Variants in RPTOR observed in about 807,000 individuals in gnomAD.
RPTOR encodes regulatory-associated protein of mTOR.
RPTOR carries 21 observed loss-of-function variants against 169.9 expected under a neutral mutation model. The observed-to-expected ratio is 0.12, with a 90% CI of 0.09 to 0.18. RPTOR has a LOEUF of 0.18. Among genes scored for constraint, RPTOR ranks in the 10% least tolerant of loss-of-function variants. The pLI, the probability that RPTOR is intolerant of heterozygous loss-of-function variation, is 1.00. For synonymous variants in RPTOR, 732 were observed against 753.2 expected (o/e 0.97, Z 0.46); for missense variants, 1,133 against 1,855.9 (o/e 0.61, Z 7.16).
chr17:80,672,147 C>T (rs2065826568), intron 3 of RPTOR, among the ~76,000 whole-genome samples: 1 of 152,136 alleles, frequency 6.6e-6, no homozygotes, highest in South Asian at 2.1e-4. Context: ...CTGGATACCT[C>T]CTCTGTGAAG....
At chr17:80,932,523 A>G (rs2068910334) in intron 24 of RPTOR, among the ~76,000 whole-genome samples, 2 of 152,224 alleles carry the variant, frequency 1.3e-5, no homozygotes, top group South Asian at 2.1e-4. Flanking sequence ...GTAGACAACA[A>G]ACATGAACAG....
chr17:80,586,073 C>G lies in RPTOR; in HGVS notation c.163-39618C>G, dbSNP rs115720085. On this transcript the variant is annotated intron_variant, in intron 1 of 33. Transcript: ENST00000306801. ...AGTTTGTCGGGAGGCGCTCTGCAGC[C>G]AGGCAGATGGAGGGGCCGCTAGGCA... Among the ~76,000 whole-genome samples the G allele has an allele frequency of 8.3e-3, 1,257 of 152,202 alleles. 23 individuals carry two copies. Among genetic ancestry groups the G allele is most frequent in the African/African-American group, 0.028 (1,160 of 41,532 alleles).
At chr17:80,918,548 A>G (rs75869656) in intron 21 of RPTOR, among the ~76,000 whole-genome samples, 8,145 of 43,086 alleles carry the variant, frequency 0.19, 771 homozygotes, top group African/African-American at 0.38. Context: ...GAGCACCCTC[A>G]CGGGGGTCAT....
chr17:80,607,965 G>A (rs4477776), intron 1 of RPTOR, among the ~76,000 whole-genome samples: 109,155 of 152,154 alleles, frequency 0.72, 39,675 homozygotes, highest in African/African-American at 0.78. Flanking sequence ...TACAAATTCA[G>A]TCCAACTACA....
intron 7 of RPTOR, among the ~76,000 whole-genome samples, chr17:80,813,905 A>T (rs1489198856): frequency 6.6e-6 from 1 of 152,216 alleles, no homozygotes; most frequent in Admixed American, 6.5e-5. Flanking sequence ...AGGCCGAGGC[A>T]GGTGGATCAC....
chr17:80,907,368 G>A (rs1278957649), intron 20 of RPTOR, among the ~76,000 whole-genome samples: 1 of 152,248 alleles, frequency 6.6e-6, no homozygotes, highest in Non-Finnish European at 1.5e-5. Context: ...TCCGCCTCTG[G>A]GTTGAAGCCT....
At chr17:80,867,281 TA>T (rs1056547274) in intron 13 of RPTOR, among the ~76,000 whole-genome samples, 1 of 151,702 alleles carries the variant, frequency 6.6e-6, no homozygotes, top group Non-Finnish European at 1.5e-5. Context: ...TTTACCATAT[TA>T]AAAAAAGATG....
chr17:80,877,428 A>G (rs1014942590), intron 13 of RPTOR, among the ~76,000 whole-genome samples: 15 of 152,222 alleles, frequency 9.9e-5, no homozygotes, highest in Non-Finnish European at 1.3e-4. Flanking sequence ...CAGAACAGAC[A>G]TCTGGTAGTA....
intron 5 of RPTOR, among the ~76,000 whole-genome samples, chr17:80,735,909 C>T (rs574982561): frequency 2.6e-5 from 4 of 152,198 alleles, no homozygotes; most frequent in African/African-American, 4.8e-5. Context: ...CGGTGGCTCA[C>T]GCCTGTAATC....
At chr17:80,887,093 G>T (rs1456020959) in intron 17 of RPTOR, among the ~76,000 whole-genome samples, 2 of 152,068 alleles carry the variant, frequency 1.3e-5, no homozygotes, top group Non-Finnish European at 2.9e-5. Flanking sequence ...AACGCCAGCT[G>T]GCAGGGTGAT....
In RPTOR at chr17:80,947,203, T is replaced by C. The variant is rs750604679; in HGVS notation, c.3141-24T>C. ...GGTTTGCAGTTTCCTAATGACTTTT[T>C]TATTCCTCTCTTCTTCCCTTAAGCT... On this transcript the variant is annotated intron_variant, in intron 26 of 33. Transcript: ENST00000306801. This position sits in a 1 kb window ranked among gnomAD's most constrained non-coding sequence, Gnocchi z 4.4. 1 of 1,552,876 alleles carries C rather than the reference T, an allele frequency of 6.4e-7. No homozygotes were observed. Among genetic ancestry groups the C allele is most frequent in the Non-Finnish European group, 8.7e-7 (1 of 1,155,064 alleles).
At chr17:80,899,250 C>T (rs2068445548) in intron 20 of RPTOR, among the ~76,000 whole-genome samples, 1 of 152,174 alleles carries the variant, frequency 6.6e-6, no homozygotes, top group South Asian at 2.1e-4. Flanking sequence ...TATATTCTAA[C>T]GTCACTTGTA....
intron 2 of RPTOR, among the ~76,000 whole-genome samples, chr17:80,640,539 G>A (rs1261947659): frequency 6.6e-6 from 1 of 152,212 alleles, no homozygotes; most frequent in Non-Finnish European, 1.5e-5. Context: ...CATGTAGCTG[G>A]TCACGGCCTG....
At chr17:80,764,849 C>T (rs1363648790) in intron 6 of RPTOR, among the ~76,000 whole-genome samples, 1 of 152,130 alleles carries the variant, frequency 6.6e-6, no homozygotes, top group Admixed American at 6.5e-5. Context: ...TTAACGATTG[C>T]CATTCTAACT....
intron 20 of RPTOR, among the ~76,000 whole-genome samples, chr17:80,899,942 G>A (rs1388277405): frequency 6.6e-6 from 1 of 152,196 alleles, no homozygotes; most frequent in African/African-American, 2.4e-5. Context: ...CAGAGGGCTT[G>A]GGATTCTCCC....
At chr17:80,595,430 A>G (rs2065137705) in intron 1 of RPTOR, among the ~76,000 whole-genome samples, 1 of 152,028 alleles carries the variant, frequency 6.6e-6, no homozygotes, top group Admixed American at 6.5e-5. Flanking sequence ...TGATCTGCTG[A>G]GTTGGGCAGT....
intron 6 of RPTOR, among the ~76,000 whole-genome samples, chr17:80,789,983 A>T (rs530564379): frequency 6.6e-6 from 1 of 152,202 alleles, no homozygotes; most frequent in African/African-American, 2.4e-5. Context: ...TTCGCATAGG[A>T]CTCAGATTTG....
intron 2 of RPTOR, among the ~76,000 whole-genome samples, chr17:80,626,273 G>A (rs1042971055): frequency 2.6e-5 from 4 of 151,994 alleles, no homozygotes; most frequent in Non-Finnish European, 4.4e-5. Context: ...GGATGGTCTC[G>A]ATCTCCTGAC....
rs557467006 is a variant in RPTOR, at chr17:80,583,160, C to T, written c.162+37369C>T. ...TTTGTTAGAAAATGCTAACTGTGGT[C>T]CCTGTCCACTGCCTCTTTCCTGTTT... On this transcript the variant is annotated intron_variant, in intron 1 of 33. Transcript: ENST00000306801. Among the ~76,000 whole-genome samples, 7 of 148,920 alleles carry T rather than the reference C, an allele frequency of 4.7e-5. No individual in the cohort carries two copies. The South Asian group carries it at 1.5e-3, about 32-fold the overall frequency.
Sources: allele counts gnomAD v4.1 joint callset (sites outside exome capture counted in the v4.1 genomes callset), GRCh38; gene constraint gnomAD v4.1.1; non-coding constraint Gnocchi (gnomAD v3.1); transcripts MANE v1.5; gene names NCBI Gene and HGNC (gene_info 2026-07-23, HGNC 2026-07-21).